Variants in BSPH1 observed in about 807,000 individuals in gnomAD.
The protein encoded by BSPH1 is binder of sperm protein homolog 1.
BSPH1 carries 21 observed loss-of-function variants against 22.5 expected under a neutral mutation model. The observed-to-expected ratio is 0.93, with a 90% CI of 0.66 to 1.35. The LOEUF (loss-of-function observed/expected upper bound fraction) is 1.35. Ranked by LOEUF, BSPH1 falls within the 40% of genes most tolerant of loss-of-function variation. The pLI, the probability that BSPH1 is intolerant of heterozygous loss-of-function variation, is 0.00. For missense variants in BSPH1, 141 were observed against 154.2 expected (o/e 0.91, Z 0.45); for synonymous variants, 42 against 53.6 (o/e 0.78, Z 0.95).
intron 2 of BSPH1, among the ~76,000 whole-genome samples, chr19:47,979,998 T>C (rs750626155): frequency 9.9e-5 from 15 of 152,144 alleles, no homozygotes; most frequent in Non-Finnish European, 1.8e-4. Context: ...AACTAATAAT[T>C]TTTATTCATG....
At chr19:47,973,041 C>T (rs1014751154) in intron 5 of BSPH1, among the ~76,000 whole-genome samples, 1 of 151,610 alleles carries the variant, frequency 6.6e-6, no homozygotes, top group African/African-American at 2.4e-5. Flanking sequence ...CACGGTGAAA[C>T]CCCGTCTCTT....
chr19:47,981,945 TA>T lies in BSPH1; in HGVS notation c.74-1005del, dbSNP rs1207502874. Among the ~76,000 whole-genome samples the T allele has an allele frequency of 5.9e-5, 9 of 152,356 alleles. No individual in the cohort carries two copies. In the East Asian group the frequency reaches 1.7e-3, roughly 29 times the overall value. On this transcript the variant is annotated intron_variant, in intron 1 of 5. Transcript: ENST00000344839. The stretch of plus-strand genomic sequence containing the variant: ...TATTTGATTTAAAACCAGCATGTTT[TA>T]GTTAAATATTACATAACTGTTACAA...
intron 2 of BSPH1, among the ~76,000 whole-genome samples, chr19:47,980,695 C>A (rs1210978128): frequency 6.6e-6 from 1 of 151,990 alleles, no homozygotes; most frequent in African/African-American, 2.4e-5. Flanking sequence ...TGGTCTCGAT[C>A]TCCTGACCTC....
chr19:47,974,944 A>G (rs1260986706), intron 5 of BSPH1, among the ~76,000 whole-genome samples: 4 of 152,118 alleles, frequency 2.6e-5, no homozygotes, highest in Non-Finnish European at 5.9e-5. Flanking sequence ...TCTCATTGTC[A>G]CAAGATTACT....
chr19:47,985,079 GAAAGAA>G (rs1163501871), intron 1 of BSPH1, among the ~76,000 whole-genome samples: 2 of 73,114 alleles, frequency 2.7e-5, no homozygotes, highest in Admixed American at 1.2e-4. Flanking sequence ...AAAAAAAAAA[GAAAGAA>G]AAAGAAAAAG....
chr19:47,970,014 T>TGAGAGA (rs1323046141), intron 5 of BSPH1, among the ~76,000 whole-genome samples: 1 of 150,156 alleles, frequency 6.7e-6, no homozygotes, highest in Non-Finnish European at 1.5e-5. Context: ...TTTGTGTGTG[T>TGAGAGA]GTGAGAGAGA....
intron 1 of BSPH1, among the ~76,000 whole-genome samples, chr19:47,990,056 T>C (rs935327253): frequency 1.4e-5 from 2 of 145,646 alleles, no homozygotes; most frequent in Middle Eastern, 3.4e-3. Context: ...GAGGCTGAGG[T>C]TGCGGTGAGC....
chr19:47,973,467 T>C (rs1969331221), intron 5 of BSPH1, among the ~76,000 whole-genome samples: 1 of 152,152 alleles, frequency 6.6e-6, no homozygotes, highest in Non-Finnish European at 1.5e-5. Flanking sequence ...GGGATCCATA[T>C]GTGTGCACAC....
intron 1 of BSPH1, among the ~76,000 whole-genome samples, chr19:47,987,173 A>G (rs557820003): frequency 2.0e-5 from 3 of 152,356 alleles, no homozygotes. Flanking sequence ...CTGGAAGGAC[A>G]CTATGCAATG....
intron 1 of BSPH1, among the ~76,000 whole-genome samples, chr19:47,981,487 G>A (rs970108658): frequency 6.6e-6 from 1 of 152,216 alleles, no homozygotes; most frequent in East Asian, 1.9e-4. Flanking sequence ...GAACAATTTT[G>A]TGAGGCAGGC....
At chr19:47,986,333 A>G (rs571096936) in intron 1 of BSPH1, among the ~76,000 whole-genome samples, 2 of 152,306 alleles carry the variant, frequency 1.3e-5, no homozygotes, top group Admixed American at 1.3e-4. Context: ...AAGAGCAATA[A>G]CAATGAATGG....
intron 5 of BSPH1, among the ~76,000 whole-genome samples, chr19:47,968,516 C>T (rs1271166985): frequency 1.3e-5 from 2 of 151,450 alleles, no homozygotes; most frequent in African/African-American, 4.8e-5. Flanking sequence ...TTCCACCATG[C>T]CCAGCTAATT....
intron 2 of BSPH1, chr19:47,980,424 C>T: frequency 1.9e-6 from 1 of 516,632 alleles, no homozygotes; most frequent in Non-Finnish European, 2.5e-6. Flanking sequence ...CATGTTTAAT[C>T]ACCCAAAAGT....
intron 3 of BSPH1, chr19:47,977,748 A>C: frequency 2.2e-6 from 2 of 900,630 alleles, no homozygotes; most frequent in South Asian, 5.1e-5. Context: ...TTTGCTTAGC[A>C]TTTGCCCCAG....
At chr19:47,980,996 A>G (rs1309379081) in intron 1 of BSPH1, 55 bp from the exon 2 acceptor site, 3 of 999,524 alleles carry the variant, frequency 3.0e-6, no homozygotes, top group Non-Finnish European at 4.3e-6. Flanking sequence ...AAAAGAGATG[A>G]AAGGATTTCA....
intron 1 of BSPH1, among the ~76,000 whole-genome samples, chr19:47,987,968 C>A (rs2122265483): frequency 6.6e-6 from 1 of 151,876 alleles, no homozygotes; most frequent in East Asian, 1.9e-4. Context: ...TGCACTCCAG[C>A]CTGGGTGACA....
At chr19:47,987,591 T>C (rs925917404) in intron 1 of BSPH1, among the ~76,000 whole-genome samples, 1 of 152,074 alleles carries the variant, frequency 6.6e-6, no homozygotes, top group African/African-American at 2.4e-5. Context: ...CCCACTATGT[T>C]TCCCAGGCTG....
intron 1 of BSPH1, among the ~76,000 whole-genome samples, chr19:47,991,220 C>T (rs548953726): frequency 8.4e-4 from 128 of 152,192 alleles, no homozygotes; most frequent in Non-Finnish European, 1.5e-3. Context: ...CCGACCACAC[C>T]GCGAATCAGG....
At chr19:47,975,649 A>ATTTTTTT (rs199878812) in intron 5 of BSPH1, among the ~76,000 whole-genome samples, 8 of 124,924 alleles carry the variant, frequency 6.4e-5, no homozygotes, top group Admixed American at 8.5e-5. Context: ...AAGGTAATGC[A>ATTTTTTT]TTTTTTTTTT....
Sources: gnomAD v4.1 joint callset for allele counts (sites outside exome capture counted in the v4.1 genomes callset) on GRCh38, gnomAD v4.1.1 for gene constraint, MANE v1.5 for transcripts, NCBI Gene and HGNC (gene_info 2026-07-23, HGNC 2026-07-21) for gene names.